The following ZNF423 variants were observed in gnomAD, a reference collection of about 807,000 sequenced individuals.
The protein encoded by ZNF423 is zinc finger protein 423.
In ZNF423, 12 loss-of-function variants were observed where a neutral mutation model predicts 95.8. The ratio of observed to expected loss-of-function variants is 0.13; its 90% confidence interval spans 0.08 to 0.20. The LOEUF (loss-of-function observed/expected upper bound fraction) is 0.20. Ranked by LOEUF, ZNF423 falls within the 10% of genes least tolerant of loss-of-function variation. The probability of loss-of-function intolerance (pLI) is 1.00; values close to 1 mark genes in which losing one functional copy is unlikely to be tolerated. For missense variants in ZNF423, 1,316 were observed against 1,737.1 expected (o/e 0.76, Z 4.31); for synonymous variants, 749 against 711.9 (o/e 1.05, Z -0.83).
chr16:49,601,247 T>C (rs1971362961), intron 5 of ZNF423, among the ~76,000 whole-genome samples: 1 of 152,152 alleles, frequency 6.6e-6, no homozygotes, highest in African/African-American at 2.4e-5. Flanking sequence ...CCACGCGGGT[T>C]CCCATCCTGG....
In ZNF423 at chr16:49,574,171, G is replaced by A. The variant is rs557356972; in HGVS notation, c.3602-48677C>T. Among the ~76,000 whole-genome samples the A allele has an allele frequency of 2.7e-4, 41 of 152,310 alleles. 1 individual carries two copies. The South Asian group carries it at 8.1e-3, about 30-fold the overall frequency. On this transcript the variant is annotated intron_variant, in intron 5 of 7. Coordinates refer to ENST00000563137, the MANE Select transcript of ZNF423 (RefSeq NM_001379286.1). ...GGCTGAGGCGGGAGGACTGCTTGAG[G>A]TCAGGAGTTCAAGACCAGCCTGGGC...
intron 1 of ZNF423, among the ~76,000 whole-genome samples, chr16:49,826,609 GA>G (rs1293144838): frequency 6.6e-6 from 1 of 152,182 alleles, no homozygotes; most frequent in Non-Finnish European, 1.5e-5. Flanking sequence ...TGTGAGAATC[GA>G]AAGAACTGAA....
intron 5 of ZNF423, among the ~76,000 whole-genome samples, chr16:49,607,069 ATTTTTTT>A: frequency 7.1e-6 from 1 of 141,042 alleles, no homozygotes; most frequent in East Asian, 2.1e-4. Flanking sequence ...AATGTTTTGG[ATTTTTTT>A]TTTTTTTTTT....
At chr16:49,777,220 T>C (rs2034136181) in intron 2 of ZNF423, among the ~76,000 whole-genome samples, 1 of 152,220 alleles carries the variant, frequency 6.6e-6, no homozygotes, top group Non-Finnish European at 1.5e-5. Context: ...TATGTGAATG[T>C]GTGTATTGTG....
At chr16:49,546,402 C>T (rs1287061419) in intron 5 of ZNF423, among the ~76,000 whole-genome samples, 1 of 152,098 alleles carries the variant, frequency 6.6e-6, no homozygotes, top group Admixed American at 6.5e-5. Context: ...AAGTTGGTGC[C>T]TTTTCTGAGC....
rs190017902 is a variant in ZNF423, at chr16:49,820,238, C to A, written c.41-30692G>T. ...CTCCTCTTGAAGGCAGACCCCCTAC[C>A]TCCCTTGATTGACCTGCTAGAGCAT... On this transcript the variant is annotated intron_variant, in intron 1 of 7. Transcript: ENST00000563137. 9.8e-5 allele frequency among the ~76,000 whole-genome samples: 15 copies of A among 152,310 alleles called. No individual in the cohort carries two copies. The East Asian group carries it at 2.9e-3, about 29-fold the overall frequency.
intron 5 of ZNF423, among the ~76,000 whole-genome samples, chr16:49,586,796 G>A (rs1160642095): frequency 1.3e-5 from 2 of 152,184 alleles, no homozygotes; most frequent in Admixed American, 6.5e-5. Flanking sequence ...AGGGAGAACC[G>A]GGAGCTGGGA....
intron 7 of ZNF423, among the ~76,000 whole-genome samples, chr16:49,493,121 C>G (rs941388546): frequency 1.3e-5 from 2 of 152,096 alleles, no homozygotes; most frequent in Admixed American, 1.3e-4. Flanking sequence ...CCAGCCGTGG[C>G]ACCTCTCCCT....
At chr16:49,531,864 C>G (rs745381080) in intron 5 of ZNF423, among the ~76,000 whole-genome samples, 18 of 152,108 alleles carry the variant, frequency 1.2e-4, no homozygotes, top group Non-Finnish European at 2.2e-4. Flanking sequence ...CCAAGCAGCC[C>G]GGGCAGCACC....
intron 1 of ZNF423, among the ~76,000 whole-genome samples, chr16:49,814,551 G>A (rs139981477): frequency 1.3e-5 from 2 of 151,978 alleles, no homozygotes; most frequent in African/African-American, 4.8e-5. Flanking sequence ...TTTCTCAGGT[G>A]GGCAACTGAG....
At chr16:49,627,122 C>T (rs535558501) in intron 4 of ZNF423, among the ~76,000 whole-genome samples, 333 of 146,600 alleles carry the variant, frequency 2.3e-3, no homozygotes, top group Admixed American at 4.9e-3. Flanking sequence ...ATCTACCCAT[C>T]CATTCATCTA....
At chr16:49,606,804 C>CT (rs1049663428) in intron 5 of ZNF423, among the ~76,000 whole-genome samples, 2 of 152,140 alleles carry the variant, frequency 1.3e-5, no homozygotes, top group African/African-American at 4.8e-5. Flanking sequence ...CTTTAACTGA[C>CT]TGAGTAATGC....
intron 2 of ZNF423, among the ~76,000 whole-genome samples, chr16:49,742,983 C>T (rs1284133363): frequency 6.6e-6 from 1 of 152,106 alleles, no homozygotes; most frequent in Non-Finnish European, 1.5e-5. Context: ...GCAAGGTGTG[C>T]CCTCTCTGGG....
At chr16:49,854,238 G>C in intron 1 of ZNF423, 1 of 985,406 alleles carries the variant, frequency 1.0e-6, no homozygotes, top group South Asian at 4.7e-5. Flanking sequence ...ACTTCTCTCA[G>C]GGAAAAGGAG....
intron 5 of ZNF423, among the ~76,000 whole-genome samples, chr16:49,570,983 T>C (rs1970336801): frequency 6.6e-6 from 1 of 152,158 alleles, no homozygotes; most frequent in African/African-American, 2.4e-5. Flanking sequence ...CCTCCTGAGC[T>C]AACAGGAAAA....
intron 2 of ZNF423, among the ~76,000 whole-genome samples, chr16:49,784,687 T>C (rs1015281686): frequency 3.3e-5 from 5 of 152,248 alleles, no homozygotes; most frequent in Admixed American, 1.3e-4. Flanking sequence ...TGGTGGCTCA[T>C]GCCTGTAATC....
chr16:49,797,109 C>A (rs1281808196), intron 1 of ZNF423, among the ~76,000 whole-genome samples: 1 of 152,128 alleles, frequency 6.6e-6, no homozygotes, highest in Non-Finnish European at 1.5e-5. Flanking sequence ...AACCCTCTCA[C>A]ACACTGCAGG....
chr16:49,749,571 C>T (rs2033594023), intron 2 of ZNF423, among the ~76,000 whole-genome samples: 1 of 152,252 alleles, frequency 6.6e-6, no homozygotes, highest in Non-Finnish European at 1.5e-5. Context: ...CCCGCACATC[C>T]TCTCCTGCGT....
Position 49,741,619 on chromosome 16 carries a change from T to A in ZNF423, c.101-10648A>T, listed in dbSNP as rs555258927. Among the ~76,000 whole-genome samples, 23 of 152,326 alleles carry A rather than the reference T, an allele frequency of 1.5e-4. No homozygotes were observed. In the South Asian group the frequency reaches 4.8e-3, roughly 32 times the overall value. On this transcript the variant is annotated intron_variant, in intron 2 of 7. Coordinates refer to ENST00000563137, the MANE Select transcript of ZNF423 (RefSeq NM_001379286.1). ...GAAACACAGTATGGGCTAAACAATA[T>A]GCCTTGGAGGGCTGGTCCAGCCTGG...
Sources: gnomAD v4.1 joint callset for allele counts (sites outside exome capture counted in the v4.1 genomes callset) on GRCh38, gnomAD v4.1.1 for gene constraint, MANE v1.5 for transcripts, NCBI Gene and HGNC (gene_info 2026-07-23, HGNC 2026-07-21) for gene names.